COL10A1: variants seen among roughly 807,000 people sequenced by gnomAD.
COL10A1 encodes the protein collagen type X alpha 1 chain.
COL10A1 carries 10 observed loss-of-function variants against 18.2 expected under a neutral mutation model. The ratio of observed to expected loss-of-function variants is 0.55; its 90% CI spans 0.34 to 0.93. The LOEUF is 0.93. Ranked by LOEUF, COL10A1 falls within the 40% of genes least tolerant of loss-of-function variation. COL10A1 has a pLI of 0.02. For missense variants in COL10A1, 897 were observed against 853.5 expected (o/e 1.05, Z -0.64); for synonymous variants, 330 against 316.6 (o/e 1.04, Z -0.45).
Position 116,120,407 on chromosome 6 carries a change from G to T in COL10A1, c.1709C>A (p.Pro570Gln). The T allele has an allele frequency of 6.2e-7, 1 of 1,614,250 alleles. No homozygotes were observed. Among genetic ancestry groups the T allele is most frequent in the Non-Finnish European group, 8.5e-7 (1 of 1,180,042 alleles). Residue 570 changes from proline (P) to glutamine (Q), a missense_variant, in exon 3 of 3, where the codon CCA becomes CAA. By Grantham distance (76) the Pro-to-Gln change is moderately conservative (BLOSUM62 -1). Coordinates refer to ENST00000651968, the MANE Select transcript of COL10A1 (RefSeq NM_000493.4). ...CCTGTTATACAAAATTTTATCAAATGGTATGGGAGTTCCTATTGCTGGGTA... is the reference window on the plus strand; with the variant it reads ...CCTGTTATACAAAATTTTATCAAATTGTATGGGAGTTCCTATTGCTGGGTA... ...KAYPAIGTPI[P>Q]FDKILYNRQQ...
chr6:116,198,254 A>G, the COL10A1 span, among the ~76,000 whole-genome samples: 1 of 152,036 alleles, frequency 6.6e-6, no homozygotes. Context: ...ATTCAAAGCC[A>G]CGTAACTATT....
chr6:116,170,923 T>C, the COL10A1 span, among the ~76,000 whole-genome samples: 1 of 152,206 alleles, frequency 6.6e-6, no homozygotes, highest in African/African-American at 2.4e-5. Context: ...AGGCTTTTCC[T>C]GACATCTAGC....
intron 1 of COL10A1, among the ~76,000 whole-genome samples, chr6:116,153,404 G>C (rs956966605): frequency 2.0e-5 from 3 of 152,100 alleles, no homozygotes; most frequent in Admixed American, 2.0e-4. Flanking sequence ...GTTGTCAGAT[G>C]ATACATTCAG....
the COL10A1 span, among the ~76,000 whole-genome samples, chr6:116,199,539 T>C: frequency 6.6e-6 from 1 of 152,120 alleles, no homozygotes; most frequent in Non-Finnish European, 1.5e-5. Flanking sequence ...CACTCAGATC[T>C]TAGTTTCTAA....
At chr6:116,186,924 T>C in the COL10A1 span, among the ~76,000 whole-genome samples, 1 of 152,098 alleles carries the variant, frequency 6.6e-6, no homozygotes, top group African/African-American at 2.4e-5. Flanking sequence ...GTGTTATCTT[T>C]TGGGGGTGTT....
chr6:116,171,589 G>A, the COL10A1 span, among the ~76,000 whole-genome samples: 4 of 152,136 alleles, frequency 2.6e-5, no homozygotes, highest in African/African-American at 9.7e-5. Context: ...GCAATAATGT[G>A]GTTTAGGTAG....
chr6:116,194,082 A>G, the COL10A1 span, among the ~76,000 whole-genome samples: 2 of 151,996 alleles, frequency 1.3e-5, no homozygotes, highest in Non-Finnish European at 2.9e-5. Context: ...TTGGTCAACA[A>G]TAAATAAAGT....
chr6:116,190,654 C>T, the COL10A1 span, among the ~76,000 whole-genome samples: 6 of 151,972 alleles, frequency 3.9e-5, no homozygotes, highest in Non-Finnish European at 8.8e-5. Context: ...TTTATTGGAT[C>T]GTCAATAAAA....
intron 1 of COL10A1, among the ~76,000 whole-genome samples, chr6:116,146,735 T>C (rs1424502689): frequency 1.3e-5 from 2 of 152,016 alleles, no homozygotes; most frequent in African/African-American, 4.8e-5. Flanking sequence ...TCAAACTGAA[T>C]AGAAAGTTCA....
intron 1 of COL10A1, among the ~76,000 whole-genome samples, chr6:116,143,274 G>A (rs1348936278): frequency 6.6e-6 from 1 of 151,984 alleles, no homozygotes; most frequent in Non-Finnish European, 1.5e-5. Context: ...GCAGTGGCGC[G>A]ATTTTGGCTC....
the COL10A1 span, among the ~76,000 whole-genome samples, chr6:116,165,601 G>A: frequency 6.6e-6 from 1 of 152,202 alleles, no homozygotes; most frequent in East Asian, 1.9e-4. Context: ...ATCCACAACA[G>A]TGGACTGAGG....
rs1779058079 is a variant in COL10A1, at chr6:116,119,949, A to C, written c.*124T>G. ...GAAGGTTTGTTGGTCTGATAGCTCA[A>C]ATCTGTATTTCAGAAAATAAAAATT... is the stretch of plus-strand genomic sequence containing the variant. On this transcript the variant is annotated 3_prime_UTR_variant, in exon 3 of 3. Coordinates refer to ENST00000651968, the MANE Select transcript of COL10A1 (RefSeq NM_000493.4). 1.0e-6 allele frequency: 1 copy of C among 956,564 alleles called. No individual in the cohort carries two copies. The highest frequency in any genetic ancestry group is 1.6e-6 in the Non-Finnish European group (1 of 606,282). The allele number at this position is 956,564 out of a possible 1,614,324, so 59.3% of individuals were successfully genotyped here. A position where few individuals can be genotyped will look rare whatever the true frequency, so the allele number is the denominator to read the frequency against.
At chr6:116,137,759 T>C (rs1779648691) in intron 1 of COL10A1, among the ~76,000 whole-genome samples, 2 of 152,308 alleles carry the variant, frequency 1.3e-5, no homozygotes, top group South Asian at 4.1e-4. Context: ...AAACCAGTTA[T>C]CTTTTAGAGT....
chr6:116,196,277 C>T, the COL10A1 span, among the ~76,000 whole-genome samples: 9 of 152,028 alleles, frequency 5.9e-5, no homozygotes, highest in African/African-American at 2.2e-4. Context: ...TTCCATATCA[C>T]ATTTGTTATT....
chr6:116,202,775 TTTA>T, the COL10A1 span, among the ~76,000 whole-genome samples: 1 of 152,012 alleles, frequency 6.6e-6, no homozygotes, highest in African/African-American at 2.4e-5. Context: ...GACAGCTATT[TTTA>T]TTATTGTTAA....
chr6:116,137,274 G>A (rs1471667792), intron 1 of COL10A1: 1 of 156,210 alleles, frequency 6.4e-6, no homozygotes, highest in African/African-American at 2.4e-5. Flanking sequence ...ATATAGAAAG[G>A]ACTGCTGTGC....
the COL10A1 span, among the ~76,000 whole-genome samples, chr6:116,163,846 C>T: frequency 9.4e-4 from 143 of 152,174 alleles, no homozygotes; most frequent in Admixed American, 1.5e-3. Flanking sequence ...ATTTCGGCCT[C>T]AATTTTGTTA....
chr6:116,127,224 GT>G (rs768453072), upstream of COL10A1, among the ~76,000 whole-genome samples: 2 of 152,122 alleles, frequency 1.3e-5, no homozygotes, highest in African/African-American at 2.4e-5. Flanking sequence ...AGTTTGACCA[GT>G]GAATGAACTA....
the COL10A1 span, among the ~76,000 whole-genome samples, chr6:116,193,339 C>CT: frequency 6.6e-6 from 1 of 152,004 alleles, no homozygotes; most frequent in Non-Finnish European, 1.5e-5. Flanking sequence ...GGATGTTTTA[C>CT]TTTTAAACAA....
Sources: gnomAD v4.1 joint callset for allele counts (sites outside exome capture counted in the v4.1 genomes callset) on GRCh38, gnomAD v4.1.1 for gene constraint, MANE v1.5 for transcripts, NCBI Gene and HGNC (gene_info 2026-07-23, HGNC 2026-07-21) for gene names.